Variants in TSPEAR observed in about 807,000 individuals in gnomAD.
TSPEAR encodes the protein thrombospondin-type laminin G domain and EAR repeat-containing protein.
A neutral mutation model predicts 71.6 loss-of-function variants in TSPEAR; 69 were observed. That is an observed-to-expected ratio of 0.96 (90% CI 0.79 to 1.18). The LOEUF is 1.18. Ranked by LOEUF, TSPEAR falls within the 50% of genes most tolerant of loss-of-function variation. TSPEAR has a pLI of 0.00. For synonymous variants in TSPEAR, 402 were observed against 387.2 expected (o/e 1.04, Z -0.45); for missense variants, 971 against 894.9 (o/e 1.09, Z -1.09).
rs782316148 is a variant in TSPEAR, at chr21:44,546,478, G to A, written c.304-12555C>T. 1.3e-4 allele frequency among the ~76,000 whole-genome samples: 20 copies of A among 152,168 alleles called. No homozygotes were observed. Among genetic ancestry groups the A allele is most frequent in the Non-Finnish European group, 2.4e-4 (16 of 68,034 alleles). Reference sequence around the variant, plus strand: ...GCCTCCTGAGTAGCTGGGACTACAGGCTCCCGCCACCAGGCCCGGCTAATT... The same window carrying A: ...GCCTCCTGAGTAGCTGGGACTACAGACTCCCGCCACCAGGCCCGGCTAATT... On this transcript the variant is annotated intron_variant, in intron 2 of 11. Transcript: ENST00000323084. This position sits in a 1 kb window ranked among gnomAD's most constrained non-coding sequence, Gnocchi z 4.4.
chr21:44,558,724 G>C lies in TSPEAR; in HGVS notation c.303+9061C>G, dbSNP rs782244265. ...ATGGTAGACGTGGCCATGCTGGGGT[G>C]GGGAGGAGGTGAGCTGGGGGAGACG... On this transcript the variant is annotated intron_variant, in intron 2 of 11. Transcript: ENST00000323084. 4 of 1,585,290 alleles carry C rather than the reference G, an allele frequency of 2.5e-6. No individual in the cohort carries two copies. The Admixed American group carries it at 5.1e-5, about 20-fold the overall frequency.
chr21:44,579,938 C>T (rs1223455753), intron 1 of TSPEAR: 1 of 1,614,074 alleles, frequency 6.2e-7, no homozygotes, highest in Non-Finnish European at 8.5e-7. Flanking sequence ...GGGTCTGCAG[C>T]AGGAGGTGGT....
chr21:44,544,933 T>C (rs2053277245), intron 2 of TSPEAR, among the ~76,000 whole-genome samples: 1 of 151,626 alleles, frequency 6.6e-6, no homozygotes, highest in Non-Finnish European at 1.5e-5. Flanking sequence ...CACCAAAGTA[T>C]GTGAAACAAA....
intron 1 of TSPEAR, among the ~76,000 whole-genome samples, chr21:44,626,346 G>A (rs1393713071): frequency 1.3e-5 from 2 of 152,208 alleles, no homozygotes; most frequent in African/African-American, 2.4e-5. Flanking sequence ...TGGCTGACCT[G>A]GGGGTGTGTG....
At chr21:44,697,883 C>G in intron 1 of TSPEAR, 1 of 1,603,324 alleles carries the variant, frequency 6.2e-7, no homozygotes, top group Non-Finnish European at 8.5e-7. Flanking sequence ...CTGCGGCCGC[C>G]TGGCCTCCTG....
At chr21:44,508,999 G>A (rs1399916666) in intron 10 of TSPEAR, 200 bp downstream of exon 10, 1 of 1,515,882 alleles carries the variant, frequency 6.6e-7, no homozygotes, top group Non-Finnish European at 8.9e-7. Context: ...GTGTCTCAGG[G>A]CGGCACTGAC....
chr21:44,677,668 T>C, intron 1 of TSPEAR: 3 of 1,377,816 alleles, frequency 2.2e-6, no homozygotes, highest in Non-Finnish European at 3.1e-6. Flanking sequence ...TCACCTGCGG[T>C]TGCTGAAGCT....
In TSPEAR at chr21:44,540,262, T is replaced by C. The variant is rs141361984; in HGVS notation, c.304-6339A>G. On this transcript the variant is annotated intron_variant, in intron 2 of 11. Coordinates refer to ENST00000323084, the MANE Select transcript of TSPEAR (RefSeq NM_144991.3). ...TGAGTGTGTGAGCTTCGTGGGGCTC[T>C]GCTTTTATACCCCTTCTGGCCTTGT... 9.0e-4 allele frequency: 1,365 copies of C among 1,518,002 alleles called. 7 individuals carry two copies. In the Middle Eastern group the frequency reaches 0.016, roughly 18 times the overall value. The allele number at this position is 1,518,002 out of a possible 1,614,324, so 94.0% of individuals were successfully genotyped here.
At chr21:44,527,654 A>G (rs911369590) in intron 6 of TSPEAR, 136 bp from the exon 7 acceptor site, 2 of 799,064 alleles carry the variant, frequency 2.5e-6, no homozygotes, top group Non-Finnish European at 4.0e-6. Context: ...ATCAGTTTCC[A>G]CGTTTCGCTC....
intron 1 of TSPEAR, among the ~76,000 whole-genome samples, chr21:44,703,238 G>GACGAGCC (rs1460933412): frequency 3.3e-5 from 5 of 152,220 alleles, no homozygotes; most frequent in Non-Finnish European, 7.3e-5. Context: ...CAACCCTAGA[G>GACGAGCC]ACGAGCCACG....
rs782008403 is a variant in TSPEAR, at chr21:44,574,923, C to G, written c.83-6918G>C. On this transcript the variant is annotated intron_variant, in intron 1 of 11. Transcript: ENST00000323084. ...CTGTGCTCCCACCTCCTCCTGCCAACCCAGCTGCTGCCGCCCAGCCTCCTG... is the reference window on the plus strand; with the variant it reads ...CTGTGCTCCCACCTCCTCCTGCCAAGCCAGCTGCTGCCGCCCAGCCTCCTG... The G allele has an allele frequency of 3.1e-6, 5 of 1,612,032 alleles. No homozygotes were observed. The highest frequency in any genetic ancestry group is 4.2e-6 in the Non-Finnish European group (5 of 1,179,370).
chr21:44,702,068 C>T (rs955470734), intron 1 of TSPEAR, among the ~76,000 whole-genome samples: 2 of 152,186 alleles, frequency 1.3e-5, no homozygotes, highest in East Asian at 1.9e-4. Context: ...CCCTAAGTGC[C>T]GTCACACACG....
intron 1 of TSPEAR, chr21:44,647,211 G>A (rs200871348): frequency 1.2e-5 from 20 of 1,613,206 alleles, no homozygotes; most frequent in South Asian, 5.5e-5. Flanking sequence ...CCTGCTGTGT[G>A]CCCGTCTCCT....
chr21:44,627,102 C>T (rs1346545895), intron 1 of TSPEAR: 3 of 1,571,568 alleles, frequency 1.9e-6, no homozygotes, highest in Non-Finnish European at 2.6e-6. Context: ...CACACACTCA[C>T]AAACTCACTC....
chr21:44,553,484 A>G (rs587756106), intron 2 of TSPEAR, among the ~76,000 whole-genome samples: 2 of 152,360 alleles, frequency 1.3e-5, no homozygotes, highest in South Asian at 2.1e-4. Flanking sequence ...AAGTCCAAAC[A>G]TGAGTTCTTC....
chr21:44,570,511 G>T (rs1003905844), intron 1 of TSPEAR, among the ~76,000 whole-genome samples: 1 of 152,164 alleles, frequency 6.6e-6, no homozygotes, highest in Admixed American at 6.5e-5. Context: ...ATTACAGAAG[G>T]GGCTGCAGAG....
chr21:44,558,850 C>T, intron 2 of TSPEAR: 3 of 1,212,020 alleles, frequency 2.5e-6, no homozygotes, highest in Non-Finnish European at 3.4e-6. Flanking sequence ...GATTGTGCTG[C>T]CCCTGCCTGG....
At chr21:44,579,072 C>T (rs587739001) in intron 1 of TSPEAR, among the ~76,000 whole-genome samples, 8 of 152,332 alleles carry the variant, frequency 5.3e-5, no homozygotes, top group East Asian at 3.9e-4. Flanking sequence ...GCAGAACTCT[C>T]GGGCGGGCGG....
At chr21:44,676,972 G>T in intron 1 of TSPEAR, 2 of 926,140 alleles carry the variant, frequency 2.2e-6, no homozygotes, top group Non-Finnish European at 3.6e-6. Context: ...AGCTGGGTCC[G>T]AAACGCTCAT....
Sources: gnomAD v4.1 joint callset for allele counts (sites outside exome capture counted in the v4.1 genomes callset) on GRCh38, gnomAD v4.1.1 for gene constraint, Gnocchi (gnomAD v3.1) non-coding constraint, MANE v1.5 for transcripts, NCBI Gene and HGNC (gene_info 2026-07-23, HGNC 2026-07-21) for gene names.